CDS2: variants seen among roughly 807,000 people sequenced by gnomAD.
The protein encoded by CDS2 is CDP-diacylglycerol synthase 2, also known as phosphatidate cytidylyltransferase 2.
In CDS2, 47 loss-of-function variants were observed where a neutral mutation model predicts 59.0. The ratio of observed to expected loss-of-function variants is 0.80; its 90% CI spans 0.63 to 1.02. CDS2 has a LOEUF of 1.02. Among genes scored for constraint, CDS2 ranks in the 50% least tolerant of loss-of-function variants. CDS2 has a pLI of 0.00. For missense variants in CDS2, 356 were observed against 558.9 expected (o/e 0.64, Z 3.66); for synonymous variants, 207 against 206.4 (o/e 1.00, Z -0.02).
chr20:5,134,018 TCA>T (rs762435843), intron 1 of CDS2, among the ~76,000 whole-genome samples: 1 of 152,212 alleles, frequency 6.6e-6, no homozygotes, highest in Non-Finnish European at 1.5e-5. Context: ...TAAAAAGGTC[TCA>T]GAGTAAATGT....
chr20:5,168,397 A>G (rs1405221585), intron 1 of CDS2, among the ~76,000 whole-genome samples: 2 of 148,968 alleles, frequency 1.3e-5, no homozygotes, highest in African/African-American at 5.0e-5. Flanking sequence ...CCTGGATGAC[A>G]GAGCAAGACT....
chr20:5,166,569 C>A (rs1477597947), intron 1 of CDS2, among the ~76,000 whole-genome samples: 1 of 151,990 alleles, frequency 6.6e-6, no homozygotes, highest in African/African-American at 2.4e-5. Flanking sequence ...CCCAAGGAAC[C>A]CTCAAATGCG....
rs368516080 is a variant in CDS2, at chr20:5,178,880, C to G, written c.453C>G (p.Thr151=). The change falls in exon 5 of 13, where the codon ACC becomes ACG. Residue 151 remains threonine, a synonymous_variant. Coordinates refer to ENST00000460006, the MANE Select transcript of CDS2 (RefSeq NM_003818.4). ...YGETVTDYFF[T]LVQREEPLRI... ...AGACAGTGACGGATTACTTCTTCACCCTGGTCCAGAGAGAAGAGCCTTTGC... is the reference window on the plus strand; with the variant it reads ...AGACAGTGACGGATTACTTCTTCACGCTGGTCCAGAGAGAAGAGCCTTTGC... The G allele has an allele frequency of 6.2e-7, 1 of 1,613,296 alleles. No individual in the cohort carries two copies. The highest frequency in any genetic ancestry group is 8.5e-7 in the Non-Finnish European group (1 of 1,179,340).
Position 5,192,811 on chromosome 20 carries a change from A to G in CDS2, c.*2577A>G, listed in dbSNP as rs1236422710. ...CAACTTGTATCCCTACATTCTCACAACAGCCTTCTTACCTCGGGTGAGAGT... is the reference window on the plus strand; with the variant it reads ...CAACTTGTATCCCTACATTCTCACAGCAGCCTTCTTACCTCGGGTGAGAGT... On this transcript the variant is annotated 3_prime_UTR_variant, in exon 13 of 13. Transcript: ENST00000460006. The G allele has an allele frequency of 1.3e-5, 2 of 152,214 alleles. No homozygotes were observed. Among genetic ancestry groups the G allele is most frequent in the Non-Finnish European group, 2.9e-5 (2 of 68,090 alleles). The allele number at this position is 152,214 out of a possible 1,614,324, so 9.4% of individuals were successfully genotyped here.
chr20:5,132,440 A>G (rs1169672590), intron 1 of CDS2, among the ~76,000 whole-genome samples: 2 of 152,144 alleles, frequency 1.3e-5, no homozygotes, highest in Admixed American at 6.5e-5. Flanking sequence ...AGTACTCCGA[A>G]TCACAGGCTT....
At chr20:5,174,338 C>G (rs1401308482) in intron 2 of CDS2, among the ~76,000 whole-genome samples, 1 of 152,190 alleles carries the variant, frequency 6.6e-6, no homozygotes, top group Non-Finnish European at 1.5e-5. Flanking sequence ...CAGATCCCAG[C>G]TTTACTGTTT....
chr20:5,164,416 G>C (rs531391190), intron 1 of CDS2, among the ~76,000 whole-genome samples: 1 of 152,288 alleles, frequency 6.6e-6, no homozygotes, highest in African/African-American at 2.4e-5. Context: ...GTGAGTGACA[G>C]TGAAGCAGGT....
intron 4 of CDS2, among the ~76,000 whole-genome samples, chr20:5,177,390 G>A (rs1359971371): frequency 6.6e-6 from 1 of 152,078 alleles, no homozygotes; most frequent in Non-Finnish European, 1.5e-5. Context: ...TGCCAGAGTG[G>A]GCAGGAGTGA....
At chr20:5,164,397 T>G (rs2090898748) in intron 1 of CDS2, among the ~76,000 whole-genome samples, 1 of 152,074 alleles carries the variant, frequency 6.6e-6, no homozygotes, top group African/African-American at 2.4e-5. Context: ...TAGAAAACAC[T>G]ATTGTGAGGT....
At chr20:5,143,939 A>G (rs1471018301) in intron 1 of CDS2, among the ~76,000 whole-genome samples, 1 of 151,032 alleles carries the variant, frequency 6.6e-6, no homozygotes, top group Non-Finnish European at 1.5e-5. Context: ...TAATTTTTGT[A>G]TTTTTTGTAG....
intron 5 of CDS2, among the ~76,000 whole-genome samples, chr20:5,180,890 C>T (rs910670267): frequency 6.6e-6 from 1 of 152,118 alleles, no homozygotes; most frequent in Non-Finnish European, 1.5e-5. Flanking sequence ...GCCTACCTAT[C>T]GAGGTCTCTT....
At chr20:5,170,837 A>C (rs1207635616) in intron 1 of CDS2, among the ~76,000 whole-genome samples, 3 of 152,238 alleles carry the variant, frequency 2.0e-5, no homozygotes, top group Non-Finnish European at 4.4e-5. Flanking sequence ...AGAAGAAAAG[A>C]GAGAAGAATC....
At chr20:5,188,964 A>G in intron 10 of CDS2, 103 bp from the exon 11 acceptor site, 1 of 1,449,048 alleles carries the variant, frequency 6.9e-7, no homozygotes, top group South Asian at 1.2e-5. Context: ...ATCACCTCCC[A>G]GTGAGGCCAC....
chr20:5,143,212 G>A (rs1281323688), intron 1 of CDS2, among the ~76,000 whole-genome samples: 3 of 152,062 alleles, frequency 2.0e-5, no homozygotes, highest in Non-Finnish European at 4.4e-5. Flanking sequence ...TCTGAGAGGT[G>A]CAAAATTAAA....
At chr20:5,168,642 G>C (rs2090932162) in intron 1 of CDS2, 1 of 518,450 alleles carries the variant, frequency 1.9e-6, no homozygotes, top group African/African-American at 1.9e-5. Flanking sequence ...AAGACCGAAA[G>C]GGAGCCTCAG....
chr20:5,159,204 T>C lies in CDS2; in HGVS notation c.58-14319T>C, dbSNP rs1369311552. Among the ~76,000 whole-genome samples the C allele has an allele frequency of 2.0e-5, 3 of 152,206 alleles. No individual in the cohort carries two copies. In the East Asian group the frequency reaches 5.8e-4, roughly 29 times the overall value. On this transcript the variant is annotated intron_variant, in intron 1 of 12. Coordinates refer to ENST00000460006, the MANE Select transcript of CDS2 (RefSeq NM_003818.4). ...ATATATTTTAAATTATACTTTAAGT[T>C]CTAGGGTACATGTGCACAACGTGCA...
chr20:5,142,969 A>G (rs12151928), intron 1 of CDS2, among the ~76,000 whole-genome samples: 46,508 of 151,818 alleles, frequency 0.31, 7,638 homozygotes, highest in South Asian at 0.38. Context: ...TTGCCTCCCT[A>G]ATAGCTGGAA....
chr20:5,130,426 C>T (rs1304121258), intron 1 of CDS2, among the ~76,000 whole-genome samples: 1 of 152,122 alleles, frequency 6.6e-6, no homozygotes, highest in Non-Finnish European at 1.5e-5. Flanking sequence ...GAAACAAGAA[C>T]TTTTTAATTT....
chr20:5,188,393 C>T (rs2091086369), intron 10 of CDS2, among the ~76,000 whole-genome samples: 1 of 152,186 alleles, frequency 6.6e-6, no homozygotes. Flanking sequence ...GACTAAAATA[C>T]TCTTTTCAAC....
Sources: gnomAD v4.1 joint callset for allele counts (sites outside exome capture counted in the v4.1 genomes callset) on GRCh38, gnomAD v4.1.1 for gene constraint, MANE v1.5 for transcripts, NCBI Gene and HGNC (gene_info 2026-07-23, HGNC 2026-07-21) for gene names.